The following WDR27 variants were observed in gnomAD, a reference collection of about 807,000 sequenced individuals.
The protein encoded by WDR27 is WD repeat domain 27.
A neutral mutation model predicts 114.4 loss-of-function variants in WDR27; 100 were observed. That is an observed-to-expected ratio of 0.87 (90% confidence interval 0.74 to 1.03). WDR27 has a LOEUF of 1.03. Among genes scored for constraint, WDR27 ranks in the 50% least tolerant of loss-of-function variants. WDR27 has a pLI of 0.00. For missense variants in WDR27, 1,129 were observed against 1,092.9 expected, an observed-to-expected ratio of 1.03 and a Z score of -0.47; for synonymous variants, 449 against 423.1, an observed-to-expected ratio of 1.06 and a Z score of -0.75.
At chr6:169,563,633 C>A (rs1454377624) in intron 25 of WDR27, among the ~76,000 whole-genome samples, 1 of 152,168 alleles carries the variant, frequency 6.6e-6, no homozygotes, top group East Asian at 1.9e-4. Context: ...GATGCAGCCA[C>A]AGCCGTCTCT....
At chr6:169,601,323 G>GA (rs1430805415) in intron 23 of WDR27, among the ~76,000 whole-genome samples, 1 of 152,126 alleles carries the variant, frequency 6.6e-6, no homozygotes, top group Non-Finnish European at 1.5e-5. Context: ...AGAATCATCT[G>GA]AATCAGCAGA....
chr6:169,433,115 G>A, the WDR27 span, among the ~76,000 whole-genome samples: 1 of 152,162 alleles, frequency 6.6e-6, no homozygotes, highest in Non-Finnish European at 1.5e-5. Context: ...TAAGTTCTGG[G>A]ATACATGTGT....
chr6:169,554,222 C>T (rs1384147431), intron 25 of WDR27, among the ~76,000 whole-genome samples: 1 of 152,234 alleles, frequency 6.6e-6, no homozygotes, highest in African/African-American at 2.4e-5. Flanking sequence ...ATGCCCAGCC[C>T]ATGCTCCCTT....
At chr6:169,488,603 T>C (rs900068078) in intron 25 of WDR27, among the ~76,000 whole-genome samples, 3 of 152,232 alleles carry the variant, frequency 2.0e-5, no homozygotes, top group Admixed American at 2.0e-4. Context: ...AACCCCCTTG[T>C]CCTGTAATAC....
intron 1 of WDR27, among the ~76,000 whole-genome samples, chr6:169,699,206 C>T (rs559879976): frequency 3.9e-5 from 6 of 152,166 alleles, no homozygotes; most frequent in African/African-American, 9.6e-5. Flanking sequence ...GGAATGGACA[C>T]GAAAAGAAAG....
At chr6:169,465,133 CTG>C (rs1785385718) in intron 25 of WDR27, among the ~76,000 whole-genome samples, 2 of 152,194 alleles carry the variant, frequency 1.3e-5, no homozygotes, top group Admixed American at 1.3e-4. Flanking sequence ...GGGCGCATGC[CTG>C]TAATCCCAGC....
intron 14 of WDR27, among the ~76,000 whole-genome samples, chr6:169,650,213 C>A (rs1245800972): frequency 1.3e-5 from 2 of 148,928 alleles, no homozygotes; most frequent in Admixed American, 6.7e-5. Flanking sequence ...CCATCTCCCA[C>A]CATCCATGCA....
chr6:169,481,957 C>T (rs141099226), intron 25 of WDR27, among the ~76,000 whole-genome samples: 93 of 152,320 alleles, frequency 6.1e-4, no homozygotes, highest in African/African-American at 2.1e-3. Flanking sequence ...CATTTTCACC[C>T]CCTACTGTTG....
chr6:169,508,471 CT>C (rs138233585), intron 25 of WDR27, among the ~76,000 whole-genome samples: 1 of 151,162 alleles, frequency 6.6e-6, no homozygotes, highest in African/African-American at 2.4e-5. Context: ...TTTTTAATTT[CT>C]TTTTTTTTCA....
chr6:169,680,565 G>C (rs1781243623), intron 2 of WDR27, among the ~76,000 whole-genome samples: 1 of 152,184 alleles, frequency 6.6e-6, no homozygotes. Flanking sequence ...CTGGGTGACA[G>C]AGCAAGACTC....
intron 25 of WDR27, among the ~76,000 whole-genome samples, chr6:169,460,502 A>T (rs772067200): frequency 1.3e-5 from 2 of 152,190 alleles, no homozygotes; most frequent in Non-Finnish European, 2.9e-5. Flanking sequence ...AACAGAAGAG[A>T]AGGCAGTAAT....
At chr6:169,495,029 A>C (rs1450514777) in intron 25 of WDR27, among the ~76,000 whole-genome samples, 2 of 152,224 alleles carry the variant, frequency 1.3e-5, no homozygotes, top group Non-Finnish European at 2.9e-5. Context: ...ACATAATGTA[A>C]TTTAATAAGT....
At chr6:169,690,762 T>G (rs1182861315) in intron 1 of WDR27, among the ~76,000 whole-genome samples, 1 of 152,208 alleles carries the variant, frequency 6.6e-6, no homozygotes, top group Non-Finnish European at 1.5e-5. Context: ...GCCCCTTGAC[T>G]GAGAAGTCTG....
chr6:169,483,048 A>C (rs1205632551), intron 25 of WDR27, among the ~76,000 whole-genome samples: 2 of 152,196 alleles, frequency 1.3e-5, no homozygotes, highest in Non-Finnish European at 2.9e-5. Flanking sequence ...TTAAGAGGGA[A>C]ATTTATAGCA....
chr6:169,606,136 C>G (rs147148107), intron 22 of WDR27, among the ~76,000 whole-genome samples: 34 of 152,026 alleles, frequency 2.2e-4, no homozygotes, highest in Admixed American at 2.0e-3. Flanking sequence ...ATACTCTGCA[C>G]AGCAAAAGAA....
chr6:169,500,390 G>T (rs1791013013), intron 25 of WDR27, among the ~76,000 whole-genome samples: 1 of 151,516 alleles, frequency 6.6e-6, no homozygotes, highest in African/African-American at 2.4e-5. Flanking sequence ...ATGCTTAGCT[G>T]CTGCTGAACT....
At chr6:169,639,072 G>A (rs1220838665) in intron 17 of WDR27, among the ~76,000 whole-genome samples, 1 of 151,512 alleles carries the variant, frequency 6.6e-6, no homozygotes, top group Non-Finnish European at 1.5e-5. Flanking sequence ...AGGGTTTGGG[G>A]TGTGAGTGAA....
chr6:169,681,519 C>T (rs187782362), intron 2 of WDR27, among the ~76,000 whole-genome samples: 315 of 152,360 alleles, frequency 2.1e-3, no homozygotes, highest in African/African-American at 7.3e-3. Context: ...ATGGCCCAGT[C>T]CTCCAAGGGG....
At chr6:169,602,107 C>T in intron 23 of WDR27, 112 bp downstream of exon 23, 3 of 668,874 alleles carry the variant, frequency 4.5e-6, no homozygotes, top group Non-Finnish European at 2.4e-6. Flanking sequence ...AAATATTGAC[C>T]AACAGTCAAG....
Sources: gnomAD v4.1 joint callset for allele counts (sites outside exome capture counted in the v4.1 genomes callset) on GRCh38, gnomAD v4.1.1 for gene constraint, MANE v1.5 for transcripts, NCBI Gene and HGNC (gene_info 2026-07-23, HGNC 2026-07-21) for gene names.